Variants in PCF11 observed in about 807,000 individuals in gnomAD.
PCF11 encodes the protein pre-mRNA cleavage complex 2 protein Pcf11.
PCF11 carries 19 observed loss-of-function variants against 166.1 expected under a neutral mutation model. The ratio of observed to expected loss-of-function variants is 0.11; its 90% CI spans 0.08 to 0.17. PCF11 has a LOEUF of 0.17. Ranked by LOEUF, PCF11 falls within the 10% of genes least tolerant of loss-of-function variation. The pLI is 1.00. For synonymous variants in PCF11, 663 were observed against 644.1 expected, an observed-to-expected ratio of 1.03 and a Z score of -0.44; for missense variants, 1,565 against 1,855.5, an observed-to-expected ratio of 0.84 and a Z score of 2.88.
chr11:83,170,253 C>A (rs1403024776), intron 8 of PCF11, among the ~76,000 whole-genome samples: 1 of 151,970 alleles, frequency 6.6e-6, no homozygotes, highest in African/African-American at 2.4e-5. Context: ...TCTGTTTTTT[C>A]TTTTTCCTTT....
chr11:83,177,853 C>A, intron 11 of PCF11, 34 bp downstream of exon 11: 1 of 1,036,678 alleles, frequency 9.6e-7, no homozygotes. Flanking sequence ...GATAAAGAGG[C>A]AGTGACTTTA....
At chr11:83,169,910 A>T in exon 8 of PCF11, 1 of 1,610,642 alleles carries the variant, frequency 6.2e-7, no homozygotes, top group Non-Finnish European at 8.5e-7. Flanking sequence ...TATTTTGATG[A>T]AAAAAATCTT....
chr11:83,157,177 G>T (rs1860018177), exon 1 of PCF11: 1 of 572,250 alleles, frequency 1.7e-6, no homozygotes, highest in Non-Finnish European at 3.1e-6. Flanking sequence ...AGCTGGAGCC[G>T]CCACTGCCGC....
chr11:83,169,948 A>G, exon 8 of PCF11: 1 of 1,607,496 alleles, frequency 6.2e-7, no homozygotes, highest in Non-Finnish European at 8.5e-7. Flanking sequence ...AAACTTTGGC[A>G]ATATACCTGC....
At chr11:83,168,001 A>G in intron 7 of PCF11, 103 bp downstream of exon 7, 1 of 897,804 alleles carries the variant, frequency 1.1e-6, no homozygotes, top group Non-Finnish European at 1.5e-6. Flanking sequence ...TCAGATTACC[A>G]TTTTTTTTCC....
exon 16 of PCF11, chr11:83,185,170 A>C (rs1272941428): frequency 3.9e-6 from 1 of 258,584 alleles, no homozygotes; most frequent in East Asian, 8.2e-5. Flanking sequence ...TCACTGTGCA[A>C]CTGTAAATTA....
At chr11:83,157,454 G>C in exon 1 of PCF11, 1 of 1,610,380 alleles carries the variant, frequency 6.2e-7, no homozygotes, top group Non-Finnish European at 8.5e-7. Flanking sequence ...CAGAGCAGAC[G>C]CCGGCCGAGG....
chr11:83,159,554 G>C (rs1460859039), intron 1 of PCF11, among the ~76,000 whole-genome samples: 1 of 152,162 alleles, frequency 6.6e-6, no homozygotes, highest in Non-Finnish European at 1.5e-5. Context: ...TCGCTACACA[G>C]TGATGAAAAT....
chr11:83,177,222 C>A lies in PCF11; in HGVS notation c.3877+18C>A. 1 of 1,510,222 alleles carries A rather than the reference C, an allele frequency of 6.6e-7. No homozygotes were observed. The allele number at this position is 1,510,222 out of a possible 1,614,324, so 93.6% of individuals were successfully genotyped here. A position where few individuals can be genotyped will look rare whatever the true frequency, so the allele number is the denominator to read the frequency against. On this transcript the variant is annotated intron_variant, in intron 10 of 15. Coordinates refer to ENST00000298281, the Ensembl canonical transcript of PCF11. ...TACAACACGTAAGTGTGATTTTATA[C>A]TTAAATTTACACAAAGCTTCATTAA... is the stretch of plus-strand genomic sequence containing the variant.
exon 10 of PCF11, chr11:83,177,146 T>G (rs1860914564): frequency 6.3e-7 from 1 of 1,583,976 alleles, no homozygotes; most frequent in Non-Finnish European, 8.6e-7. Flanking sequence ...ATGAATTGTT[T>G]TCAAAATTGC....
chr11:83,182,631 T>C (rs1169516435), intron 14 of PCF11, 140 bp downstream of exon 14: 2 of 602,016 alleles, frequency 3.3e-6, no homozygotes, highest in Non-Finnish European at 5.9e-6. Flanking sequence ...ACTTTAGTAA[T>C]AGAATGTTTG....
At chr11:83,183,458 A>G (rs1169379932) in intron 15 of PCF11, among the ~76,000 whole-genome samples, 1 of 151,892 alleles carries the variant, frequency 6.6e-6, no homozygotes, top group Non-Finnish European at 1.5e-5. Flanking sequence ...TTTTTCTTAC[A>G]TCTCTATTCA....
At chr11:83,177,906 C>G (rs1860942560) in intron 11 of PCF11, 87 bp downstream of exon 11, 2 of 501,778 alleles carry the variant, frequency 4.0e-6, no homozygotes, top group Non-Finnish European at 6.9e-6. Flanking sequence ...AGTGCTTTCC[C>G]TTTCCCTTTA....
At chr11:83,160,321 G>GTTTTTTTTTTTT (rs35201107) in intron 1 of PCF11, among the ~76,000 whole-genome samples, 4 of 91,286 alleles carry the variant, frequency 4.4e-5, no homozygotes, top group Non-Finnish European at 6.2e-5. Flanking sequence ...GATAACCTAA[G>GTTTTTTTTTTTT]TTTTTTTTTT....
At chr11:83,165,492 G>C (rs1860414578) in intron 4 of PCF11, 108 bp from the exon 5 acceptor site, 2 of 724,020 alleles carry the variant, frequency 2.8e-6, no homozygotes, top group Non-Finnish European at 4.4e-6. Context: ...ATGTAGTGTT[G>C]AGTAAATATA....
exon 13 of PCF11, chr11:83,181,953 G>A: frequency 6.2e-7 from 1 of 1,612,872 alleles, no homozygotes; most frequent in Non-Finnish European, 8.5e-7. Flanking sequence ...AACTCAAGAG[G>A]CTGCTAAAGA....
intron 11 of PCF11, among the ~76,000 whole-genome samples, chr11:83,179,929 C>CG (rs1861028971): frequency 6.6e-6 from 1 of 151,710 alleles, no homozygotes; most frequent in Non-Finnish European, 1.5e-5. Context: ...CCAAAAAAAA[C>CG]GGGCGGGGGG....
At chr11:83,169,458 G>A (rs773487160) in exon 8 of PCF11, 1 of 1,613,666 alleles carries the variant, frequency 6.2e-7, no homozygotes, top group Non-Finnish European at 8.5e-7. Context: ...GGTTTGATGG[G>A]CAGCCAGGTC....
intron 5 of PCF11, 112 bp downstream of exon 5, chr11:83,166,826 C>A (rs1304870140): frequency 3.4e-6 from 3 of 874,126 alleles, no homozygotes; most frequent in East Asian, 4.9e-5. Context: ...TTTTTTCCAT[C>A]TAATTCTTAC....
Sources: gnomAD v4.1 joint callset for allele counts (sites outside exome capture counted in the v4.1 genomes callset) on GRCh38, gnomAD v4.1.1 for gene constraint, MANE v1.5 for transcripts, NCBI Gene and HGNC (gene_info 2026-07-23, HGNC 2026-07-21) for gene names.